MLXIP: variants seen among roughly 807,000 people sequenced by gnomAD.
The protein encoded by MLXIP is MLX-interacting protein.
MLXIP carries 30 observed loss-of-function variants against 87.2 expected under a neutral mutation model. The ratio of observed to expected loss-of-function variants is 0.34; its 90% CI spans 0.26 to 0.47. The LOEUF is 0.47. Ranked by LOEUF, MLXIP falls within the 20% of genes least tolerant of loss-of-function variation. The pLI, the probability that MLXIP is intolerant of heterozygous loss-of-function variation, is 1.00. For missense variants in MLXIP, 1,002 were observed against 1,240.1 expected, an observed-to-expected ratio of 0.81 and a Z score of 2.88; for synonymous variants, 530 against 514.0, an observed-to-expected ratio of 1.03 and a Z score of -0.42.
Position 122,144,733 on chromosome 12 carries a change from A to G in MLXIP, c.*2921A>G, listed in dbSNP as rs1042636138. The G allele has an allele frequency of 1.3e-5, 2 of 152,170 alleles. No individual in the cohort carries two copies. Among genetic ancestry groups the G allele is most frequent in the Non-Finnish European group, 2.9e-5 (2 of 68,066 alleles). 9.4% of individuals were successfully genotyped at this position (152,170 alleles called of 1,614,324 possible). A position where few individuals can be genotyped will look rare whatever the true frequency, so the allele number is the denominator to read the frequency against. ...AAACCCTGTCTATACTAAAAATACA[A>G]AACATTAGCCACGTGTGGTGGTACA... On this transcript the variant is annotated 3_prime_UTR_variant, in exon 17 of 17. Transcript: ENST00000319080.
intron 1 of MLXIP, 75 bp downstream of exon 1, chr12:122,079,341 C>A: frequency 7.6e-6 from 10 of 1,307,962 alleles, no homozygotes; most frequent in Non-Finnish European, 9.6e-6. Context: ...AGGGAAGGGC[C>A]GCCTGGCAAC....
At chr12:122,129,277 G>C in intron 4 of MLXIP, 51 bp downstream of exon 4, 1 of 1,492,636 alleles carries the variant, frequency 6.7e-7, no homozygotes, top group Non-Finnish European at 9.2e-7. Flanking sequence ...AGTGGGCAGA[G>C]TCCCTGGTTC....
chr12:122,114,101 C>T (rs1297774853), intron 1 of MLXIP, among the ~76,000 whole-genome samples: 1 of 151,662 alleles, frequency 6.6e-6, no homozygotes, highest in Non-Finnish European at 1.5e-5. Context: ...GATTCTCCTG[C>T]CTCAGCCTCC....
chr12:122,125,005 A>AT (rs1329040610), intron 1 of MLXIP, among the ~76,000 whole-genome samples: 1 of 152,160 alleles, frequency 6.6e-6, no homozygotes, highest in Non-Finnish European at 1.5e-5. Flanking sequence ...CATCTCTACT[A>AT]AAAATAGAAA....
rs755476190 is a variant in MLXIP at position 122,117,789 on chromosome 12, CAT to C, written c.414-9466_414-9465del. Reference sequence around the variant, plus strand: ...CCCTGTATACAGTACATTTTTTTCACATGTTAGCTCTATACTTGTGATAAAGC... The same window carrying C: ...CCCTGTATACAGTACATTTTTTTCACGTTAGCTCTATACTTGTGATAAAGC... On this transcript the variant is annotated intron_variant, in intron 1 of 16. Coordinates refer to ENST00000319080, the MANE Select transcript of MLXIP (RefSeq NM_014938.6). 7.2e-5 allele frequency among the ~76,000 whole-genome samples: 11 copies of C among 152,280 alleles called. No individual in the cohort carries two copies. In the South Asian group the frequency reaches 8.3e-4, roughly 11 times the overall value.
chr12:122,114,375 C>G (rs909639475), intron 1 of MLXIP, among the ~76,000 whole-genome samples: 16 of 152,186 alleles, frequency 1.1e-4, no homozygotes, highest in African/African-American at 3.9e-4. Flanking sequence ...ACAGAACGCA[C>G]TGAAAAGTAT....
chr12:122,079,434 C>G (rs898221942), intron 1 of MLXIP, among the ~76,000 whole-genome samples, 168 bp downstream of exon 1: 1 of 152,322 alleles, frequency 6.6e-6, no homozygotes, highest in African/African-American at 2.4e-5. Context: ...GCCAGAGGAG[C>G]CGGGGTCCTG....
chr12:122,094,046 G>T (rs1235385851), intron 1 of MLXIP, among the ~76,000 whole-genome samples: 1 of 147,836 alleles, frequency 6.8e-6, no homozygotes, highest in Admixed American at 6.7e-5. Flanking sequence ...TATCTGTGTG[G>T]TGTGTGTGGT....
intron 1 of MLXIP, among the ~76,000 whole-genome samples, chr12:122,083,419 CT>C (rs796702658): frequency 1.2e-3 from 178 of 144,848 alleles, no homozygotes; most frequent in Admixed American, 1.5e-3. Context: ...ACCCTTCATT[CT>C]TTTTTTTTTT....
At chr12:122,108,683 C>A (rs1353100982) in intron 1 of MLXIP, among the ~76,000 whole-genome samples, 3 of 152,160 alleles carry the variant, frequency 2.0e-5, no homozygotes, top group African/African-American at 7.2e-5. Flanking sequence ...AGTCCGTGAG[C>A]TCCTGCAAGG....
At chr12:122,121,752 G>A (rs887247321) in intron 1 of MLXIP, among the ~76,000 whole-genome samples, 1 of 152,116 alleles carries the variant, frequency 6.6e-6, no homozygotes, top group Middle Eastern at 3.2e-3. Context: ...CCATTCCAAA[G>A]CAGTCTCTTG....
chr12:122,132,638 A>G lies in MLXIP; in HGVS notation c.1092+255A>G, dbSNP rs1953001111. 3.0e-5 allele frequency: 14 copies of G among 469,022 alleles called. No individual in the cohort carries two copies. In the South Asian group the frequency reaches 5.1e-4, roughly 17 times the overall value. 29.1% of individuals were successfully genotyped at this position (469,022 alleles called of 1,614,324 possible). On this transcript the variant is annotated intron_variant, in intron 8 of 16. Transcript: ENST00000319080. ...AGTGCCAGGTAACCTATGTGCAGCT[A>G]GCTCTGCTCCGACTAATTAACACAG...
At chr12:122,129,801 C>T (rs1457100023) in intron 5 of MLXIP, 140 bp from the exon 6 acceptor site, 14 of 1,295,756 alleles carry the variant, frequency 1.1e-5, no homozygotes, top group African/African-American at 5.9e-5. Flanking sequence ...TGGAGGGAGC[C>T]GCTCTCCAAA....
chr12:122,094,768 CTG>C (rs1342852228), intron 1 of MLXIP, among the ~76,000 whole-genome samples: 8 of 115,592 alleles, frequency 6.9e-5, no homozygotes, highest in South Asian at 2.9e-4. Flanking sequence ...TATGCGGTGT[CTG>C]TGGTGTTGGT....
chr12:122,120,759 C>G (rs1333861138), intron 1 of MLXIP, among the ~76,000 whole-genome samples: 1 of 152,090 alleles, frequency 6.6e-6, no homozygotes, highest in African/African-American at 2.4e-5. Context: ...CGACCCCAGC[C>G]CAGGTTCTTC....
chr12:122,138,757 C>T, intron 14 of MLXIP, 58 bp from the exon 15 acceptor site: 2 of 1,592,898 alleles, frequency 1.3e-6, no homozygotes, highest in Non-Finnish European at 1.7e-6. Context: ...ATCTTTTGTC[C>T]CAGGGTCCTT....
Position 122,079,159 on chromosome 12 carries a change from C to A in MLXIP, c.306C>A (p.Val102=), listed in dbSNP as rs886336498. 75 of 1,551,136 alleles carry A rather than the reference C, an allele frequency of 4.8e-5. No homozygotes were observed. Among genetic ancestry groups the A allele is most frequent in the Non-Finnish European group, 6.5e-5 (74 of 1,146,878 alleles). The change falls in exon 1 of 17, where the codon GTC becomes GTA. Residue 102 remains valine (V), a synonymous_variant. Transcript: ENST00000319080. ...AGAAGGGCTACGATTTCGACACGGTCAACAAACAGACGTGCCAGACCTACA... is the reference window on the plus strand; with the variant it reads ...AGAAGGGCTACGATTTCGACACGGTAAACAAACAGACGTGCCAGACCTACA... The part of the protein sequence containing the change: ...PPKKGYDFDT[V]NKQTCQTYSF...
At chr12:122,098,856 G>A (rs1952394567) in intron 1 of MLXIP, among the ~76,000 whole-genome samples, 1 of 152,212 alleles carries the variant, frequency 6.6e-6, no homozygotes. Context: ...CTGGGAGGAG[G>A]ACCACTGGTT....
rs1168045218 is a variant in MLXIP, at chr12:122,120,173, C to G, written c.414-7083C>G. On this transcript the variant is annotated intron_variant, in intron 1 of 16. Coordinates refer to ENST00000319080, the MANE Select transcript of MLXIP (RefSeq NM_014938.6). ...TTTTTTTCTTTCTTTCCCCCTCCCC[C>G]CTTCTTCTCTCTTTCTCTCTTCCCT... Among the ~76,000 whole-genome samples, 6 of 152,040 alleles carry G rather than the reference C, an allele frequency of 3.9e-5. No individual in the cohort carries two copies. The East Asian group carries it at 1.2e-3, about 29-fold the overall frequency.
Sources: allele counts gnomAD v4.1 joint callset (sites outside exome capture counted in the v4.1 genomes callset), GRCh38; gene constraint gnomAD v4.1.1; transcripts MANE v1.5; gene names NCBI Gene and HGNC (gene_info 2026-07-23, HGNC 2026-07-21).